The following MECOM variants were observed in gnomAD, a reference collection of about 807,000 sequenced individuals.
MECOM encodes the protein MDS1 and EVI1 complex locus.
A neutral mutation model predicts 116.3 loss-of-function variants in MECOM; 13 were observed. The observed-to-expected ratio is 0.11, with a 90% confidence interval of 0.07 to 0.18. The LOEUF (loss-of-function observed/expected upper bound fraction) is 0.18, where lower values mean the gene tolerates loss of function less well. Ranked by LOEUF, MECOM falls within the 10% of genes least tolerant of loss-of-function variation. The pLI is 1.00. For synonymous variants in MECOM, 528 were observed against 535.2 expected (o/e 0.99, Z 0.19); for missense variants, 1,299 against 1,509.0 (o/e 0.86, Z 2.31).
At chr3:169,445,813 CCCCCT>C (rs1430033224) in intron 1 of MECOM, among the ~76,000 whole-genome samples, 1 of 152,208 alleles carries the variant, frequency 6.6e-6, no homozygotes. Context: ...ACCATGGGAA[CCCCCT>C]CTTGCATCAG....
intron 1 of MECOM, among the ~76,000 whole-genome samples, chr3:169,485,926 ATATATAG>A (rs1320223157): frequency 2.2e-4 from 18 of 81,608 alleles, no homozygotes; most frequent in African/African-American, 9.0e-4. Context: ...TATATATAGT[ATATATAG>A]TATATATGTA....
intron 2 of MECOM, among the ~76,000 whole-genome samples, chr3:169,286,329 G>A (rs1237874937): frequency 2.0e-5 from 3 of 152,172 alleles, no homozygotes; most frequent in Non-Finnish European, 2.9e-5. Context: ...CTACCTGGGT[G>A]ATTCATACCC....
In MECOM at chr3:169,472,518, G is replaced by GAAAAGAAAAGAAAAGAAAAGA. The variant is rs1749522201; in HGVS notation, c.38-90995_38-90994insTCTTTTCTTTTCTTTTCTTTT. 1.5e-3 allele frequency among the ~76,000 whole-genome samples: 103 copies of GAAAAGAAAAGAAAAGAAAAGA among 70,064 alleles called. 1 individual carries two copies. The highest frequency in any genetic ancestry group is 7.9e-3 in the Middle Eastern group (1 of 126). The allele number at this position is 70,064 out of a possible 152,430, so 46.0% of individuals were successfully genotyped here. On this transcript the variant is annotated intron_variant, in intron 1 of 16. Transcript: ENST00000651503. ...GAAAGGAAAGGAAAGGAAAGGAAAG[G>GAAAAGAAAAGAAAAGAAAAGA]AAAGAAAAGAAAAGAAAAGGAAAGG...
intron 2 of MECOM, among the ~76,000 whole-genome samples, chr3:169,257,217 A>G (rs932965437): frequency 1.3e-5 from 2 of 152,360 alleles, no homozygotes; most frequent in East Asian, 3.9e-4. Flanking sequence ...CTACAAATAT[A>G]CATTATAAGC....
chr3:169,630,607 C>A (rs1335022270), intron 1 of MECOM, among the ~76,000 whole-genome samples: 1 of 152,174 alleles, frequency 6.6e-6, no homozygotes, highest in East Asian at 1.9e-4. Flanking sequence ...TACACACCAC[C>A]ATGTCCAGCT....
chr3:169,196,845 A>G (rs1224181168), intron 2 of MECOM, among the ~76,000 whole-genome samples: 1 of 152,078 alleles, frequency 6.6e-6, no homozygotes, highest in Admixed American at 6.6e-5. Flanking sequence ...TTGTTCTACC[A>G]TAAAGACCCA....
chr3:169,384,937 T>C (rs1733062157), intron 1 of MECOM, among the ~76,000 whole-genome samples: 1 of 151,666 alleles, frequency 6.6e-6, no homozygotes, highest in African/African-American at 2.4e-5. Context: ...ACCCCATCTC[T>C]ACTAAAAATA....
At chr3:169,395,578 A>G (rs1734898233) in intron 1 of MECOM, among the ~76,000 whole-genome samples, 1 of 152,172 alleles carries the variant, frequency 6.6e-6, no homozygotes, top group South Asian at 2.1e-4. Context: ...AGTTTATATC[A>G]TGTCCTCTTC....
intron 2 of MECOM, among the ~76,000 whole-genome samples, chr3:169,346,271 C>T (rs1725330060): frequency 6.6e-6 from 1 of 152,030 alleles, no homozygotes; most frequent in African/African-American, 2.4e-5. Flanking sequence ...GCAGCCAGGT[C>T]AAACTATTTA....
intron 1 of MECOM, among the ~76,000 whole-genome samples, chr3:169,621,077 GA>G (rs1023681253): frequency 3.9e-5 from 6 of 152,254 alleles, no homozygotes; most frequent in African/African-American, 1.4e-4. Flanking sequence ...TTGCAGCTTA[GA>G]AAGCCTAAGA....
chr3:169,464,125 A>T (rs536163288), intron 1 of MECOM: 6 of 152,182 alleles, frequency 3.9e-5, no homozygotes, highest in Non-Finnish European at 8.8e-5. Context: ...CATCCAAGGT[A>T]ATGATGCTAT....
chr3:169,444,153 G>A (rs943378324), intron 1 of MECOM, among the ~76,000 whole-genome samples: 2 of 151,924 alleles, frequency 1.3e-5, no homozygotes, highest in African/African-American at 4.8e-5. Context: ...TTTTGATCTT[G>A]TTGCCCTTAC....
chr3:169,627,092 T>G (rs954527957), intron 1 of MECOM, among the ~76,000 whole-genome samples: 1 of 152,198 alleles, frequency 6.6e-6, no homozygotes, highest in Non-Finnish European at 1.5e-5. Flanking sequence ...TAAAACAAAT[T>G]ACAGCAGTCA....
At chr3:169,301,022 A>G (rs979316561) in intron 2 of MECOM, among the ~76,000 whole-genome samples, 3 of 152,210 alleles carry the variant, frequency 2.0e-5, no homozygotes, top group African/African-American at 7.2e-5. Context: ...AATCTTTCTT[A>G]GCTCTGTTTC....
intron 2 of MECOM, among the ~76,000 whole-genome samples, chr3:169,238,880 C>G (rs1754429893): frequency 6.6e-6 from 1 of 152,048 alleles, no homozygotes; most frequent in South Asian, 2.1e-4. Context: ...CTAACTTACA[C>G]AAAATATGTA....
chr3:169,107,537 T>C (rs1394023373), intron 10 of MECOM, among the ~76,000 whole-genome samples: 6 of 152,184 alleles, frequency 3.9e-5, no homozygotes, highest in Non-Finnish European at 8.8e-5. Context: ...TCAGGTTTTA[T>C]CCTTTAGAAG....
intron 1 of MECOM, among the ~76,000 whole-genome samples, chr3:169,491,691 C>T (rs1336571142): frequency 1.3e-5 from 2 of 152,138 alleles, no homozygotes; most frequent in South Asian, 2.1e-4. Context: ...ACCAGAGCCA[C>T]GTACCAACAA....
intron 1 of MECOM, among the ~76,000 whole-genome samples, chr3:169,505,756 G>A (rs758628351): frequency 3.3e-5 from 5 of 152,214 alleles, no homozygotes; most frequent in Non-Finnish European, 7.3e-5. Flanking sequence ...AGGATAAGAA[G>A]AAGGAAAAGC....
intron 2 of MECOM, among the ~76,000 whole-genome samples, chr3:169,182,305 G>A (rs761784273): frequency 7.2e-5 from 11 of 152,224 alleles, no homozygotes; most frequent in East Asian, 1.9e-4. Flanking sequence ...TGTGGTGTTC[G>A]TTATTTCATA....
Sources: allele counts gnomAD v4.1 joint callset (sites outside exome capture counted in the v4.1 genomes callset), GRCh38; gene constraint gnomAD v4.1.1; transcripts MANE v1.5; gene names NCBI Gene and HGNC (gene_info 2026-07-23, HGNC 2026-07-21).